OR51B5: variants seen among roughly 807,000 people sequenced by gnomAD.
The protein encoded by OR51B5 is olfactory receptor 51B5.
For synonymous variants in OR51B5, 186 were observed against 144.8 expected, an observed-to-expected ratio of 1.28 and a Z score of -2.04; for missense variants, 456 against 374.6, an observed-to-expected ratio of 1.22 and a Z score of -1.79.
chr11:5,375,113 C>T lies in OR51B5; in HGVS notation n.85-28203G>A, dbSNP rs1051768777. ...GTCGGGTTACCCACAAAGGGAAGCC[C>T]ATCAGACTAACAGCAGCTCTCTTGG... is the stretch of plus-strand genomic sequence containing the variant. On this transcript the variant is annotated intron_variant and non_coding_transcript_variant, in intron 1 of 4. Coordinates refer to the OR51B5 transcript ENST00000415970. Among the ~76,000 whole-genome samples, 17 of 149,508 alleles carry T rather than the reference C, an allele frequency of 1.1e-4. 1 individual carries two copies. The highest frequency in any genetic ancestry group is 4.2e-4 in the African/African-American group (17 of 40,690).
Position 5,362,661 on chromosome 11 carries a change from C to A in OR51B5, n.85-15751G>T, listed in dbSNP as rs546757885. The stretch of plus-strand genomic sequence containing the variant: ...AGATACAACAGCCCGGTCAACCCAG[C>A]TGTCTTCCCCCATCTGATTGTAGAG... On this transcript the variant is annotated intron_variant and non_coding_transcript_variant, in intron 1 of 4. Coordinates refer to the OR51B5 transcript ENST00000415970. The A allele has an allele frequency of 1.2e-4, 24 of 199,696 alleles. No individual in the cohort carries two copies. In the South Asian group the frequency reaches 2.2e-3, roughly 18 times the overall value. The allele number at this position is 199,696 out of a possible 1,614,324, so 12.4% of individuals were successfully genotyped here.
chr11:5,367,468 C>T (rs1829216457), intron 1 of OR51B5, among the ~76,000 whole-genome samples: 1 of 152,188 alleles, frequency 6.6e-6, no homozygotes, highest in Non-Finnish European at 1.5e-5. Flanking sequence ...TTTCAGACCG[C>T]TTAGCGTAAC....
intron 1 of OR51B5, chr11:5,441,516 G>A: frequency 6.2e-7 from 1 of 1,608,172 alleles, no homozygotes; most frequent in Non-Finnish European, 8.5e-7. Flanking sequence ...ACCCAGCATG[G>A]TGGGAGAATA....
At chr11:5,400,390 T>C (rs1285800336) in intron 1 of OR51B5, among the ~76,000 whole-genome samples, 1 of 152,200 alleles carries the variant, frequency 6.6e-6, no homozygotes, top group Non-Finnish European at 1.5e-5. Context: ...CCATATTTTA[T>C]TTTAGTTTTT....
chr11:5,390,238 C>T (rs1767530322), intron 1 of OR51B5: 2 of 1,613,884 alleles, frequency 1.2e-6, no homozygotes, highest in African/African-American at 2.7e-5. Flanking sequence ...GGAAGCATGC[C>T]CCACCTGCTA....
At chr11:5,487,693 G>A (rs1163429776) in intron 1 of OR51B5, among the ~76,000 whole-genome samples, 1 of 152,172 alleles carries the variant, frequency 6.6e-6, no homozygotes, top group Admixed American at 6.5e-5. Flanking sequence ...CTTTATGGGT[G>A]GTAAATCCAG....
intron 1 of OR51B5, among the ~76,000 whole-genome samples, chr11:5,452,905 G>T (rs1276080495): frequency 1.3e-5 from 2 of 152,158 alleles, no homozygotes; most frequent in Non-Finnish European, 2.9e-5. Flanking sequence ...CCAATGAAAA[G>T]CTCATGACTG....
chr11:5,412,400 T>A (rs1006134480), intron 1 of OR51B5, among the ~76,000 whole-genome samples: 1 of 152,066 alleles, frequency 6.6e-6, no homozygotes, highest in African/African-American at 2.4e-5. Context: ...CCATCTGAGG[T>A]ATCAGGTTCA....
At chr11:5,457,295 C>CT (rs1850974649) in intron 1 of OR51B5, among the ~76,000 whole-genome samples, 1 of 152,214 alleles carries the variant, frequency 6.6e-6, no homozygotes, top group South Asian at 2.1e-4. Flanking sequence ...ATCCATGTAG[C>CT]TGCAAAGGAC....
At chr11:5,347,253 C>T (rs1205519780), upstream of OR51B5, among the ~76,000 whole-genome samples, 1 of 152,086 alleles carries the variant, frequency 6.6e-6, no homozygotes, top group Non-Finnish European at 1.5e-5. Context: ...AAGAGAAAGC[C>T]TATATATCTT....
intron 1 of OR51B5, chr11:5,505,351 C>A (rs1251671688): frequency 1.5e-6 from 2 of 1,303,910 alleles, no homozygotes; most frequent in African/African-American, 3.0e-5. Context: ...GAGAACTCAC[C>A]TCATGAACGG....
intron 1 of OR51B5, among the ~76,000 whole-genome samples, chr11:5,466,479 A>G (rs1400694985): frequency 2.0e-5 from 3 of 152,230 alleles, no homozygotes; most frequent in Admixed American, 6.5e-5. Context: ...GGTTTCTGAT[A>G]TTTAGATGCA....
intron 1 of OR51B5, among the ~76,000 whole-genome samples, chr11:5,463,386 A>G (rs1310078012): frequency 1.3e-5 from 2 of 152,194 alleles, no homozygotes; most frequent in African/African-American, 4.8e-5. Flanking sequence ...GGTATGGATG[A>G]CATACTGATC....
At chr11:5,390,620 G>T in intron 1 of OR51B5, 1 of 446,752 alleles carries the variant, frequency 2.2e-6, no homozygotes. Flanking sequence ...CTATCCAGAA[G>T]GCAACTTTAT....
In OR51B5 at chr11:5,407,810, A is replaced by G. The variant is rs562682082; in HGVS notation, n.85-60900T>C. On this transcript the variant is annotated intron_variant and non_coding_transcript_variant, in intron 1 of 4. Transcript: ENST00000415970. ...AAAATATCCTTCATTCTCTTCAAATAAGCAAATAATTTATTTTTAATTACC... is the reference window on the plus strand; with the variant it reads ...AAAATATCCTTCATTCTCTTCAAATGAGCAAATAATTTATTTTTAATTACC... 2.6e-5 allele frequency among the ~76,000 whole-genome samples: 4 copies of G among 152,164 alleles called. No individual in the cohort carries two copies. In the South Asian group the frequency reaches 8.3e-4, roughly 32 times the overall value.
At chr11:5,452,106 T>A (rs1312551698) in intron 1 of OR51B5, among the ~76,000 whole-genome samples, 1 of 152,178 alleles carries the variant, frequency 6.6e-6, no homozygotes, top group Non-Finnish European at 1.5e-5. Flanking sequence ...GTTGTGTGAG[T>A]ATACAAATCT....
rs534333214 is a variant in OR51B5 at position 5,467,307 on chromosome 11, CA to C, written n.84+38261del. On this transcript the variant is annotated intron_variant and non_coding_transcript_variant, in intron 1 of 4. Coordinates refer to the OR51B5 transcript ENST00000415970. Reference sequence around the variant, plus strand: ...TCTCCTCGTTGCTTAATGAGACGTTCAGGGGGTGTTTGGGAGAAATTCAAGT... The same window carrying C: ...TCTCCTCGTTGCTTAATGAGACGTTCGGGGGTGTTTGGGAGAAATTCAAGT... Among the ~76,000 whole-genome samples, 202 of 152,242 alleles carry C rather than the reference CA, an allele frequency of 1.3e-3. 7 individuals carry two copies. In the South Asian group the frequency reaches 0.04, roughly 30 times the overall value.
intron 1 of OR51B5, among the ~76,000 whole-genome samples, chr11:5,366,063 G>A (rs1849360285): frequency 6.6e-6 from 1 of 151,844 alleles, no homozygotes; most frequent in African/African-American, 2.4e-5. Flanking sequence ...ATGTTTGGGG[G>A]CTGTTAATGG....
chr11:5,393,824 A>G (rs778305230), intron 1 of OR51B5, among the ~76,000 whole-genome samples: 1 of 152,144 alleles, frequency 6.6e-6, no homozygotes, highest in Non-Finnish European at 1.5e-5. Flanking sequence ...TAAATCATTA[A>G]TGTAAGTCAG....
Sources: allele counts gnomAD v4.1 joint callset (sites outside exome capture counted in the v4.1 genomes callset), GRCh38; gene constraint gnomAD v4.1.1; transcripts MANE v1.5; gene names NCBI Gene and HGNC (gene_info 2026-07-23, HGNC 2026-07-21).